Variants in CDH13 observed in about 807,000 individuals in gnomAD.
CDH13 encodes the protein cadherin-13.
A neutral mutation model predicts 63.8 loss-of-function variants in CDH13; 24 were observed. That is an observed-to-expected ratio of 0.38 (90% CI 0.27 to 0.53). CDH13 has a LOEUF of 0.53. Ranked by LOEUF, CDH13 falls within the 20% of genes least tolerant of loss-of-function variation. The probability of loss-of-function intolerance (pLI) is 0.85; values close to 1 mark genes in which losing one functional copy is unlikely to be tolerated. For missense variants in CDH13, 1,049 were observed against 903.1 expected (o/e 1.16, Z -2.07); for synonymous variants, 503 against 355.3 (o/e 1.42, Z -4.67).
rs115283958 is a variant in CDH13 at position 82,681,619 on chromosome 16, C to T, written c.45+54482C>T. On this transcript the variant is annotated intron_variant, in intron 1 of 13. Coordinates refer to ENST00000567109, the MANE Select transcript of CDH13 (RefSeq NM_001257.5). ...TCTGACACTTTCTTGCTTAACCTGG[C>T]GGGAGTGGTAGCGGATGCTCCTGGT... Among the ~76,000 whole-genome samples, 411 of 152,334 alleles carry T rather than the reference C, an allele frequency of 2.7e-3. 1 individual carries two copies. The highest frequency in any genetic ancestry group is 0.01 in the Middle Eastern group (3 of 294).
At chr16:83,556,780 A>C (rs1044653890) in intron 7 of CDH13, among the ~76,000 whole-genome samples, 1 of 152,208 alleles carries the variant, frequency 6.6e-6, no homozygotes, top group Non-Finnish European at 1.5e-5. Flanking sequence ...GGGGCACCCC[A>C]CACTTCACGC....
At chr16:83,214,814 G>C (rs1043885104) in intron 4 of CDH13, among the ~76,000 whole-genome samples, 1 of 151,878 alleles carries the variant, frequency 6.6e-6, no homozygotes, top group African/African-American at 2.4e-5. Flanking sequence ...CTTTAAAGAT[G>C]AGGCGATGGA....
At chr16:83,540,531 C>CTCT (rs938397544) in intron 7 of CDH13, among the ~76,000 whole-genome samples, 3 of 152,188 alleles carry the variant, frequency 2.0e-5, no homozygotes, top group Non-Finnish European at 4.4e-5. Context: ...GCAGGGAGCT[C>CTCT]TCTTCTTCTT....
At chr16:82,744,724 T>A (rs2034083250) in intron 1 of CDH13, among the ~76,000 whole-genome samples, 1 of 152,212 alleles carries the variant, frequency 6.6e-6, no homozygotes, top group African/African-American at 2.4e-5. Context: ...TGAATACTTC[T>A]ATACACATGA....
chr16:83,374,178 G>C (rs1462601381), intron 6 of CDH13, among the ~76,000 whole-genome samples: 1 of 152,188 alleles, frequency 6.6e-6, no homozygotes, highest in Non-Finnish European at 1.5e-5. Context: ...CAAAGTCTTA[G>C]TCCAACCCCT....
At chr16:82,957,456 G>A (rs1053925237) in intron 2 of CDH13, among the ~76,000 whole-genome samples, 1 of 152,164 alleles carries the variant, frequency 6.6e-6, no homozygotes, top group Non-Finnish European at 1.5e-5. Flanking sequence ...GGAAGTTCAA[G>A]ATAGATAAAG....
At chr16:83,218,513 T>C (rs1410337490) in intron 5 of CDH13, among the ~76,000 whole-genome samples, 1 of 152,120 alleles carries the variant, frequency 6.6e-6, no homozygotes, top group East Asian at 1.9e-4. Context: ...ACCTCAGAAA[T>C]ACCCAGTTCC....
intron 10 of CDH13, among the ~76,000 whole-genome samples, chr16:83,681,674 G>T (rs1915418634): frequency 6.6e-6 from 1 of 152,106 alleles, no homozygotes; most frequent in Non-Finnish European, 1.5e-5. Context: ...TTGAGCTATT[G>T]TCATGGGAGC....
At chr16:82,689,157 A>G (rs1265782645) in intron 1 of CDH13, 1 of 135,314 alleles carries the variant, frequency 7.4e-6, no homozygotes, top group Non-Finnish European at 1.6e-5. Flanking sequence ...ACTTGCCTGC[A>G]TCCAAACATT....
chr16:82,713,360 T>A (rs751406188), intron 1 of CDH13, among the ~76,000 whole-genome samples: 1 of 152,082 alleles, frequency 6.6e-6, no homozygotes, highest in African/African-American at 2.4e-5. Context: ...CAAGCCTGAT[T>A]TGAAGTACCT....
chr16:83,597,987 T>C (rs1029660275), intron 7 of CDH13, among the ~76,000 whole-genome samples: 2 of 152,230 alleles, frequency 1.3e-5, no homozygotes, highest in African/African-American at 4.8e-5. Flanking sequence ...GACTTGTTTT[T>C]TGATCACTGT....
intron 8 of CDH13, among the ~76,000 whole-genome samples, chr16:83,603,615 G>A (rs1454315370): frequency 6.6e-6 from 1 of 151,972 alleles, no homozygotes; most frequent in African/African-American, 2.4e-5. Flanking sequence ...AGGGTGTTTG[G>A]AGAAAAAAAC....
chr16:83,732,589 C>G (rs1270611423), intron 10 of CDH13, among the ~76,000 whole-genome samples: 1 of 152,202 alleles, frequency 6.6e-6, no homozygotes, highest in Non-Finnish European at 1.5e-5. Flanking sequence ...AATGTAGAAC[C>G]TCCTACATCC....
At chr16:82,810,846 C>T (rs1369478017) in intron 1 of CDH13, among the ~76,000 whole-genome samples, 2 of 151,442 alleles carry the variant, frequency 1.3e-5, no homozygotes, top group African/African-American at 2.4e-5. Context: ...AGTGAGAAGC[C>T]ATTAATAGGA....
chr16:82,702,068 T>C (rs191806138), intron 1 of CDH13, among the ~76,000 whole-genome samples: 75 of 152,308 alleles, frequency 4.9e-4, no homozygotes, highest in African/African-American at 1.7e-3. Context: ...CTTTCCCACT[T>C]GGCCTTCTGT....
intron 7 of CDH13, among the ~76,000 whole-genome samples, chr16:83,591,188 C>T (rs1442775885): frequency 6.6e-6 from 1 of 152,124 alleles, no homozygotes; most frequent in Admixed American, 6.5e-5. Context: ...GGATTACAGG[C>T]ATGAGCCACC....
rs149918113 is a variant in CDH13 at position 83,046,197 on chromosome 16, A to G, written c.366+13979A>G. On this transcript the variant is annotated intron_variant, in intron 3 of 13. Transcript: ENST00000567109. ...GGTCCATACCCCTTAGAAGTGCCACATTTAAAAAATAAGAGGAAAGCCTTC... is the reference window on the plus strand; with the variant it reads ...GGTCCATACCCCTTAGAAGTGCCACGTTTAAAAAATAAGAGGAAAGCCTTC... Among the ~76,000 whole-genome samples, 553 of 152,332 alleles carry G rather than the reference A, an allele frequency of 3.6e-3. 6 individuals carry two copies. Among genetic ancestry groups the G allele is most frequent in the African/African-American group, 0.012 (517 of 41,586 alleles).
At chr16:82,710,749 T>A (rs1282966421) in intron 1 of CDH13, among the ~76,000 whole-genome samples, 1 of 146,920 alleles carries the variant, frequency 6.8e-6, no homozygotes, top group Non-Finnish European at 1.5e-5. Flanking sequence ...AAAATATATT[T>A]GTATATTTAT....
intron 2 of CDH13, chr16:82,925,868 A>G (rs2042288714): frequency 6.6e-6 from 1 of 151,906 alleles, no homozygotes; most frequent in African/African-American, 2.4e-5. Context: ...TGTTTTCTCC[A>G]TGGAGTCCAT....
Sources: gnomAD v4.1 joint callset for allele counts (sites outside exome capture counted in the v4.1 genomes callset) on GRCh38, gnomAD v4.1.1 for gene constraint, MANE v1.5 for transcripts, NCBI Gene and HGNC (gene_info 2026-07-23, HGNC 2026-07-21) for gene names.